TMEM117: variants seen among roughly 807,000 people sequenced by gnomAD.
The protein encoded by TMEM117 is transmembrane protein 117.
In TMEM117, 27 loss-of-function variants were observed where a neutral mutation model predicts 52.4. That is an observed-to-expected ratio of 0.51 (90% CI 0.38 to 0.71). The LOEUF (loss-of-function observed/expected upper bound fraction) is 0.71. Ranked by LOEUF, TMEM117 falls within the 30% of genes least tolerant of loss-of-function variation. TMEM117 has a pLI of 0.00. For missense variants in TMEM117, 556 were observed against 630.5 expected (o/e 0.88, Z 1.26); for synonymous variants, 215 against 206.3 (o/e 1.04, Z -0.36).
At chr12:43,889,294 G>T (rs1944058545) in intron 2 of TMEM117, among the ~76,000 whole-genome samples, 2 of 152,114 alleles carry the variant, frequency 1.3e-5, no homozygotes, top group Admixed American at 6.5e-5. Flanking sequence ...TGTTGGCCAG[G>T]CAGGTCTTGA....
At chr12:43,889,493 C>T (rs1221200471) in intron 2 of TMEM117, among the ~76,000 whole-genome samples, 1 of 152,196 alleles carries the variant, frequency 6.6e-6, no homozygotes, top group Non-Finnish European at 1.5e-5. Flanking sequence ...GGAGGTGGAG[C>T]CCAGGCAGTA....
chr12:44,079,942 CG>C (rs980424420), intron 3 of TMEM117, among the ~76,000 whole-genome samples: 3 of 146,970 alleles, frequency 2.0e-5, no homozygotes, highest in Admixed American at 1.4e-4. Context: ...CACTTGAACC[CG>C]GGGGGCACAG....
intron 4 of TMEM117, among the ~76,000 whole-genome samples, chr12:44,177,502 C>T (rs1565861431): frequency 1.3e-5 from 2 of 152,150 alleles, no homozygotes; most frequent in African/African-American, 4.8e-5. Flanking sequence ...GGCTGTGCCT[C>T]TGCAGGTAGA....
intron 6 of TMEM117, among the ~76,000 whole-genome samples, chr12:44,360,280 C>T (rs761310464): frequency 1.8e-4 from 27 of 151,974 alleles, no homozygotes; most frequent in Non-Finnish European, 3.4e-4. Context: ...AAGTGATTAC[C>T]TCAAGAGTCA....
intron 6 of TMEM117, among the ~76,000 whole-genome samples, chr12:44,308,976 A>ATGAGCTTT (rs1237330371): frequency 1.3e-5 from 2 of 152,166 alleles, no homozygotes; most frequent in Non-Finnish European, 1.5e-5. Context: ...GGGCTCCTCT[A>ATGAGCTTT]TGAGCTTTTT....
At chr12:44,158,242 A>G (rs1477548641) in intron 4 of TMEM117, among the ~76,000 whole-genome samples, 2 of 152,152 alleles carry the variant, frequency 1.3e-5, no homozygotes, top group Non-Finnish European at 2.9e-5. Context: ...CATTTCATTG[A>G]CTTGTCTATA....
At chr12:44,379,812 TTTATGGAGAC>T (rs1295221538) in intron 7 of TMEM117, among the ~76,000 whole-genome samples, 2 of 152,214 alleles carry the variant, frequency 1.3e-5, no homozygotes, top group East Asian at 3.9e-4. Flanking sequence ...TGGTACTTTT[TTTATGGAGAC>T]TTCAGTGCTT....
intron 3 of TMEM117, among the ~76,000 whole-genome samples, chr12:44,116,495 C>T (rs988835026): frequency 2.0e-5 from 3 of 151,968 alleles, no homozygotes; most frequent in African/African-American, 7.3e-5. Flanking sequence ...TGGAATTTCA[C>T]CTACTTTTAA....
At chr12:43,820,103 T>TTTTTTGTTTTTGTTTTTG in the TMEM117 span, among the ~76,000 whole-genome samples, 53 of 151,588 alleles carry the variant, frequency 3.5e-4, no homozygotes, top group Middle Eastern at 6.8e-3. Context: ...AGGTGTATTT[T>TTTTTTGTTTTTGTTTTTG]TTTTTGTTTT....
intron 4 of TMEM117, among the ~76,000 whole-genome samples, chr12:44,169,812 G>A (rs1009198004): frequency 1.3e-5 from 2 of 152,124 alleles, no homozygotes; most frequent in Non-Finnish European, 2.9e-5. Context: ...TGGAGAGGAC[G>A]TGGAGAAATA....
the TMEM117 span, chr12:43,806,259 A>G: frequency 5.9e-6 from 9 of 1,522,604 alleles, no homozygotes; most frequent in Non-Finnish European, 7.0e-6. Flanking sequence ...GGCGGCCGCT[A>G]GCTCCCGGCT....
intron 4 of TMEM117, among the ~76,000 whole-genome samples, chr12:44,181,274 T>A: frequency 6.6e-6 from 1 of 151,680 alleles, no homozygotes; most frequent in Non-Finnish European, 1.5e-5. Context: ...GATGAGTAGG[T>A]TGCGAAAATT....
At position 44,177,965 on chromosome 12, in the gene TMEM117, T is replaced by C. The variant is rs765220033; in HGVS notation, c.511-33325T>C. Reference sequence around the variant, plus strand: ...ATTATTGTTCCAACTGTTGAAGTTATACCAAAACTTACTCTTCCGTATGAC... The same window carrying C: ...ATTATTGTTCCAACTGTTGAAGTTACACCAAAACTTACTCTTCCGTATGAC... On this transcript the variant is annotated intron_variant, in intron 4 of 7. Transcript: ENST00000266534. Among the ~76,000 whole-genome samples, 15 of 152,296 alleles carry C rather than the reference T, an allele frequency of 9.8e-5. No homozygotes were observed. The South Asian group carries it at 1.2e-3, about 13-fold the overall frequency.
chr12:44,396,602 C>T, the TMEM117 span, among the ~76,000 whole-genome samples: 1 of 151,914 alleles, frequency 6.6e-6, no homozygotes, highest in South Asian at 2.1e-4. Flanking sequence ...GCCTGTAATC[C>T]CAGCAATTTG....
At chr12:44,353,654 A>G (rs1592713284) in intron 6 of TMEM117, among the ~76,000 whole-genome samples, 3 of 151,788 alleles carry the variant, frequency 2.0e-5, no homozygotes, top group East Asian at 1.9e-4. Context: ...CCATTGGTCT[A>G]TATGTCTGTT....
intron 3 of TMEM117, among the ~76,000 whole-genome samples, chr12:44,115,490 TCTGA>T (rs372666602): frequency 2.5e-4 from 38 of 152,242 alleles, no homozygotes; most frequent in African/African-American, 9.1e-4. Context: ...CCTGATCAAC[TCTGA>T]CTTTCTTATT....
At chr12:44,288,489 G>A (rs755374878) in intron 5 of TMEM117, among the ~76,000 whole-genome samples, 2 of 152,060 alleles carry the variant, frequency 1.3e-5, no homozygotes, top group South Asian at 2.1e-4. Context: ...AGAAAACCAC[G>A]TATCAAGAGC....
chr12:44,023,237 G>A (rs1946481375), intron 3 of TMEM117, among the ~76,000 whole-genome samples: 1 of 152,134 alleles, frequency 6.6e-6, no homozygotes, highest in South Asian at 2.1e-4. Flanking sequence ...TTGGACATTT[G>A]GGTTGGTTCC....
chr12:43,996,754 A>T (rs1027625188), intron 3 of TMEM117, among the ~76,000 whole-genome samples: 5 of 152,310 alleles, frequency 3.3e-5, no homozygotes, highest in South Asian at 2.1e-4. Context: ...AGCAGCCATC[A>T]TCTTGTATAA....
Sources: allele counts gnomAD v4.1 joint callset (sites outside exome capture counted in the v4.1 genomes callset), GRCh38; gene constraint gnomAD v4.1.1; transcripts MANE v1.5; gene names NCBI Gene and HGNC (gene_info 2026-07-23, HGNC 2026-07-21).